Variants in MAK observed in about 807,000 individuals in gnomAD.
MAK encodes the protein serine/threonine-protein kinase MAK.
A neutral mutation model predicts 82.6 loss-of-function variants in MAK; 65 were observed. The ratio of observed to expected loss-of-function variants is 0.79; its 90% CI spans 0.64 to 0.97. The LOEUF (loss-of-function observed/expected upper bound fraction) is 0.97. Ranked by LOEUF, MAK falls within the 50% of genes least tolerant of loss-of-function variation. The probability of loss-of-function intolerance (pLI) is 0.00; values close to 1 mark genes in which losing one functional copy is unlikely to be tolerated. For missense variants in MAK, 703 were observed against 780.2 expected (o/e 0.90, Z 1.18); for synonymous variants, 250 against 274.2 (o/e 0.91, Z 0.87).
intron 2 of MAK, among the ~76,000 whole-genome samples, chr6:10,821,202 G>A (rs1261201921): frequency 6.6e-6 from 1 of 152,122 alleles, no homozygotes; most frequent in Non-Finnish European, 1.5e-5. Context: ...GCCCACCTCG[G>A]CCTCTCAAAG....
At chr6:10,823,906 T>A (rs1208535158) in intron 2 of MAK, among the ~76,000 whole-genome samples, 1 of 152,030 alleles carries the variant, frequency 6.6e-6, no homozygotes, top group Non-Finnish European at 1.5e-5. Context: ...ACCTAGAATA[T>A]TTATAGCCTA....
At chr6:10,794,161 A>C (rs1311197737) in intron 9 of MAK, among the ~76,000 whole-genome samples, 2 of 152,180 alleles carry the variant, frequency 1.3e-5, no homozygotes, top group Non-Finnish European at 2.9e-5. Context: ...AAAAGCTAGA[A>C]AACCAGATTT....
chr6:10,835,178 G>A (rs759858879), intron 1 of MAK, among the ~76,000 whole-genome samples: 1 of 152,214 alleles, frequency 6.6e-6, no homozygotes, highest in Non-Finnish European at 1.5e-5. Flanking sequence ...GCTCTTAAGA[G>A]AATTCAGCTG....
rs1338891052 is a variant in MAK, at chr6:10,800,282, A to G, written c.831+1610T>C. Among the ~76,000 whole-genome samples the G allele has an allele frequency of 3.3e-5, 5 of 152,126 alleles. No individual in the cohort carries two copies. The East Asian group carries it at 7.7e-4, about 24-fold the overall frequency. ...ATCTCAAAAAAAAAAGAAAATACAC[A>G]TACACATTTCAGTATTTTTCTTGTG... is the stretch of plus-strand genomic sequence containing the variant. On this transcript the variant is annotated intron_variant, in intron 8 of 14. Transcript: ENST00000354489. This position sits in a 1 kb window ranked among gnomAD's most constrained non-coding sequence, Gnocchi z 4.2.
At chr6:10,784,304 A>G in intron 11 of MAK, 120 bp downstream of exon 11, 1 of 976,362 alleles carries the variant, frequency 1.0e-6, no homozygotes. Context: ...TGAGCTACCA[A>G]AGAGCTCTGT....
intron 13 of MAK, among the ~76,000 whole-genome samples, chr6:10,770,790 C>A (rs1042088389): frequency 6.6e-6 from 1 of 152,114 alleles, no homozygotes; most frequent in African/African-American, 2.4e-5. Context: ...GGTGAATGCT[C>A]AATCTGGCGT....
At chr6:10,837,505 G>A (rs1779226844) in intron 1 of MAK, among the ~76,000 whole-genome samples, 1 of 152,236 alleles carries the variant, frequency 6.6e-6, no homozygotes, top group Non-Finnish European at 1.5e-5. Context: ...TGAAGGGCCG[G>A]GGAGGCGGGG....
chr6:10,821,622 G>A (rs947410288), intron 2 of MAK, among the ~76,000 whole-genome samples: 2 of 152,098 alleles, frequency 1.3e-5, no homozygotes, highest in Non-Finnish European at 2.9e-5. Flanking sequence ...ATAAAAATAC[G>A]TTCAAGTTAC....
chr6:10,793,519 C>T lies in MAK; in HGVS notation c.1144-1672G>A, dbSNP rs1329023951. Among the ~76,000 whole-genome samples, 2 of 152,108 alleles carry T rather than the reference C, an allele frequency of 1.3e-5. No individual in the cohort carries two copies. The highest frequency in any genetic ancestry group is 2.4e-5 in the African/African-American group (1 of 41,416). ...GAAATTGAAGAGGTAAGAGATCTTG[C>T]AACTTTTTGAATCCTAGAGATGAAA... is the stretch of plus-strand genomic sequence containing the variant. On this transcript the variant is annotated intron_variant, in intron 9 of 14. Coordinates refer to ENST00000354489, the MANE Select transcript of MAK (RefSeq NM_001242957.3). This position sits in a 1 kb window ranked among gnomAD's most constrained non-coding sequence, Gnocchi z 4.6.
intron 1 of MAK, among the ~76,000 whole-genome samples, chr6:10,834,087 T>A (rs1778997213): frequency 6.6e-6 from 1 of 152,330 alleles, no homozygotes; most frequent in Non-Finnish European, 1.5e-5. Context: ...TAAAATATAT[T>A]TCTTCTCATT....
At chr6:10,788,667 C>G (rs754810323) in intron 10 of MAK, among the ~76,000 whole-genome samples, 6 of 151,920 alleles carry the variant, frequency 3.9e-5, no homozygotes, top group Non-Finnish European at 7.4e-5. Flanking sequence ...ACCCTGGAGG[C>G]AGAGGTTGCA....
rs537320949 is a variant in MAK, at chr6:10,808,753, G to A, written c.491+57C>T. The A allele has an allele frequency of 2.2e-5, 33 of 1,534,204 alleles. 1 individual carries two copies. The South Asian group carries it at 2.7e-4, about 12-fold the overall frequency. ...TTCCAGAAATATGTAACAATCCATCGTAGGAAAATTTCACCATAGGCTTAT... is the reference window on the plus strand; with the variant it reads ...TTCCAGAAATATGTAACAATCCATCATAGGAAAATTTCACCATAGGCTTAT... On this transcript the variant is annotated intron_variant, in intron 6 of 14. Coordinates refer to ENST00000354489, the MANE Select transcript of MAK (RefSeq NM_001242957.3).
intron 2 of MAK, among the ~76,000 whole-genome samples, chr6:10,826,377 G>C (rs1778373065): frequency 6.6e-6 from 1 of 151,940 alleles, no homozygotes; most frequent in African/African-American, 2.4e-5. Flanking sequence ...ATAGGACTTA[G>C]CATACTTGAT....
intron 7 of MAK, among the ~76,000 whole-genome samples, chr6:10,803,506 CTG>C (rs1172607469): frequency 6.7e-6 from 1 of 148,488 alleles, no homozygotes; most frequent in African/African-American, 2.5e-5. Context: ...GATTGAGCCA[CTG>C]CACTCCAACC....
intron 6 of MAK, 99 bp from the exon 7 acceptor site, chr6:10,803,990 G>A (rs533074127): frequency 2.9e-5 from 30 of 1,035,526 alleles, no homozygotes; most frequent in Middle Eastern, 2.2e-4. Flanking sequence ...TTCCATCAAG[G>A]AACAGGTATT....
At chr6:10,831,924 G>T (rs989994559) in intron 1 of MAK, among the ~76,000 whole-genome samples, 9 of 152,154 alleles carry the variant, frequency 5.9e-5, no homozygotes, top group Non-Finnish European at 1.2e-4. Context: ...TAACACTGCT[G>T]AAAAGACAAA....
chr6:10,797,674 G>A, intron 8 of MAK: 3 of 985,444 alleles, frequency 3.0e-6, no homozygotes, highest in South Asian at 9.4e-5. Flanking sequence ...GTCAAGCTCT[G>A]TTCCCCTGAA....
intron 1 of MAK, 150 bp from the exon 2 acceptor site, chr6:10,831,027 G>T (rs1007256963): frequency 3.2e-6 from 1 of 313,888 alleles, no homozygotes; most frequent in South Asian, 2.9e-5. Context: ...TATGTAAAAT[G>T]AAGTTCACAT....
chr6:10,815,448 C>G (rs1581743351), intron 4 of MAK, among the ~76,000 whole-genome samples: 1 of 152,048 alleles, frequency 6.6e-6, no homozygotes, highest in Admixed American at 6.6e-5. Flanking sequence ...CATGGTGAGA[C>G]CCTGTCTCTA....
Sources: allele counts gnomAD v4.1 joint callset (sites outside exome capture counted in the v4.1 genomes callset), GRCh38; gene constraint gnomAD v4.1.1; non-coding constraint Gnocchi (gnomAD v3.1); transcripts MANE v1.5; gene names NCBI Gene and HGNC (gene_info 2026-07-23, HGNC 2026-07-21).